The following PIGL variants were observed in gnomAD, a reference collection of about 807,000 sequenced individuals.
PIGL encodes the protein N-acetylglucosaminyl-phosphatidylinositol de-N-acetylase.
PIGL carries 22 observed loss-of-function variants against 31.1 expected under a neutral mutation model. The observed-to-expected ratio is 0.71, with a 90% CI of 0.51 to 1.01. The LOEUF (loss-of-function observed/expected upper bound fraction) is 1.01. Among genes scored for constraint, PIGL ranks in the 50% least tolerant of loss-of-function variants. The probability of loss-of-function intolerance (pLI) is 0.00; values close to 1 mark genes in which losing one functional copy is unlikely to be tolerated. For synonymous variants in PIGL, 131 were observed against 117.4 expected, an observed-to-expected ratio of 1.12 and a Z score of -0.75; for missense variants, 302 against 315.9, an observed-to-expected ratio of 0.96 and a Z score of 0.33.
intron 5 of PIGL, chr17:16,317,233 GT>G (rs2093081903): frequency 1.0e-6 from 1 of 1,004,260 alleles, no homozygotes; most frequent in South Asian, 4.3e-5. Context: ...TAAGTAGTTT[GT>G]GCCCTTTCTA....
intron 2 of PIGL, among the ~76,000 whole-genome samples, chr17:16,258,270 C>T (rs551777621): frequency 9.8e-4 from 145 of 147,818 alleles, no homozygotes; most frequent in Middle Eastern, 3.5e-3. Flanking sequence ...ACCTCTGCCT[C>T]CCAGGTTCAA....
At chr17:16,291,978 G>C (rs1293381704) in intron 2 of PIGL, among the ~76,000 whole-genome samples, 2 of 151,322 alleles carry the variant, frequency 1.3e-5, no homozygotes, top group Non-Finnish European at 2.9e-5. Context: ...ATTAAAAAAG[G>C]ATTAAAAAGT....
chr17:16,289,630 T>G (rs1290501178), intron 2 of PIGL, among the ~76,000 whole-genome samples: 1 of 152,192 alleles, frequency 6.6e-6, no homozygotes, highest in Non-Finnish European at 1.5e-5. Context: ...CTCAGTAACT[T>G]TATGACCATT....
intron 6 of PIGL, among the ~76,000 whole-genome samples, chr17:16,320,106 C>A (rs1467058155): frequency 2.1e-5 from 3 of 142,852 alleles, no homozygotes; most frequent in African/African-American, 8.2e-5. Context: ...GGCAACACAG[C>A]TTTATTAGGA....
At chr17:16,272,420 G>A (rs2092876768) in intron 2 of PIGL, among the ~76,000 whole-genome samples, 1 of 151,682 alleles carries the variant, frequency 6.6e-6, no homozygotes, top group Non-Finnish European at 1.5e-5. Flanking sequence ...GTATTATTTG[G>A]GTTCTTTCCA....
At chr17:16,253,178 C>T (rs146703495) in intron 2 of PIGL, among the ~76,000 whole-genome samples, 5,555 of 151,782 alleles carry the variant, frequency 0.037, 105 homozygotes, top group East Asian at 0.071. Flanking sequence ...AGCTTGAACC[C>T]GGGAGGCGGA....
At chr17:16,305,674 TG>T (rs1328619358) in intron 3 of PIGL, among the ~76,000 whole-genome samples, 1 of 152,196 alleles carries the variant, frequency 6.6e-6, no homozygotes, top group East Asian at 1.9e-4. Flanking sequence ...ACCAAGGGAC[TG>T]CCTGCCCTCC....
rs575460310 is a variant in PIGL at position 16,272,865 on chromosome 17, C to T, written c.336-27023C>T. On this transcript the variant is annotated intron_variant, in intron 2 of 6. Coordinates refer to ENST00000225609, the MANE Select transcript of PIGL (RefSeq NM_004278.4). ...AGCCATTCTTGTCATCTGCCTGGTC[C>T]TCTATGATTCTCAGTGTTCGATGCA... 4.0e-4 allele frequency among the ~76,000 whole-genome samples: 61 copies of T among 152,186 alleles called. No individual in the cohort carries two copies. The Middle Eastern group carries it at 0.017, about 42-fold the overall frequency.
At chr17:16,316,769 T>C (rs1480946893) in intron 5 of PIGL, 57 bp downstream of exon 5, 4 of 1,600,602 alleles carry the variant, frequency 2.5e-6, no homozygotes, top group East Asian at 2.2e-5. Context: ...GAGAAACTTA[T>C]GAGGGGGAAA....
chr17:16,238,621 G>A (rs2092709537), intron 2 of PIGL, among the ~76,000 whole-genome samples: 1 of 149,710 alleles, frequency 6.7e-6, no homozygotes, highest in Non-Finnish European at 1.5e-5. Flanking sequence ...TTTTTAGTAA[G>A]ACAGGGTTGC....
chr17:16,300,098 C>CTA (rs1254133395), intron 3 of PIGL, 120 bp downstream of exon 3: 1 of 708,800 alleles, frequency 1.4e-6, no homozygotes, highest in African/African-American at 1.8e-5. Context: ...GGGCCACTCT[C>CTA]TAAGGAGGCC....
intron 2 of PIGL, among the ~76,000 whole-genome samples, chr17:16,264,206 T>TTTCAC (rs78088594): frequency 0.48 from 72,573 of 150,846 alleles, 17,666 homozygotes; most frequent in Middle Eastern, 0.56. Flanking sequence ...AGAGATGGGG[T>TTTCAC]CATGTTGGCC....
chr17:16,297,318 C>CAGAT (rs1273294882), intron 2 of PIGL, among the ~76,000 whole-genome samples: 1 of 152,180 alleles, frequency 6.6e-6, no homozygotes, highest in East Asian at 1.9e-4. Context: ...CTCAAAAGAG[C>CAGAT]AGATCCCAGT....
chr17:16,239,673 G>C (rs1379550165), intron 2 of PIGL, among the ~76,000 whole-genome samples: 1 of 152,154 alleles, frequency 6.6e-6, no homozygotes, highest in African/African-American at 2.4e-5. Context: ...TCTAATGAAA[G>C]TATGGATTGA....
chr17:16,227,035 C>T (rs1157782992), intron 1 of PIGL, among the ~76,000 whole-genome samples: 2 of 152,116 alleles, frequency 1.3e-5, no homozygotes, highest in Non-Finnish European at 2.9e-5. Context: ...CTGAGGGTTT[C>T]TCTGCATATC....
intron 2 of PIGL, among the ~76,000 whole-genome samples, chr17:16,291,363 C>T (rs1286964478): frequency 6.7e-6 from 1 of 149,266 alleles, no homozygotes; most frequent in Non-Finnish European, 1.5e-5. Flanking sequence ...AAAAATTAGT[C>T]GAGCGTGGTG....
intron 1 of PIGL, among the ~76,000 whole-genome samples, chr17:16,221,367 A>G (rs922155399): frequency 1.3e-5 from 2 of 152,018 alleles, no homozygotes; most frequent in Non-Finnish European, 2.9e-5. Flanking sequence ...AGCTCCCTAC[A>G]GCCTCCAAGT....
chr17:16,235,298 A>G (rs928992216), intron 2 of PIGL, among the ~76,000 whole-genome samples: 3 of 152,236 alleles, frequency 2.0e-5, no homozygotes, highest in African/African-American at 7.2e-5. Context: ...AGGACCACAC[A>G]TTATAGTTGG....
At chr17:16,300,314 TG>T in intron 3 of PIGL, 3 of 225,158 alleles carry the variant, frequency 1.3e-5, no homozygotes, top group African/African-American at 6.8e-5. Context: ...GCCTGCCCAG[TG>T]ATTCTCATTT....
Sources: allele counts gnomAD v4.1 joint callset (sites outside exome capture counted in the v4.1 genomes callset), GRCh38; gene constraint gnomAD v4.1.1; transcripts MANE v1.5; gene names NCBI Gene and HGNC (gene_info 2026-07-23, HGNC 2026-07-21).